Variants in ARCN1 observed in about 807,000 individuals in gnomAD.
ARCN1 encodes the protein archain 1 coat protein complex I subunit delta.
A neutral mutation model predicts 60.4 loss-of-function variants in ARCN1; 5 were observed. That is an observed-to-expected ratio of 0.08 (90% CI 0.04 to 0.17). The LOEUF (loss-of-function observed/expected upper bound fraction) is 0.17. Among genes scored for constraint, ARCN1 ranks in the 10% least tolerant of loss-of-function variants. The pLI is 1.00. For synonymous variants in ARCN1, 224 were observed against 220.0 expected (o/e 1.02, Z -0.16); for missense variants, 464 against 626.5 (o/e 0.74, Z 2.77).
chr11:118,581,138 A>ACTG, intron 1 of ARCN1, 108 bp from the exon 2 acceptor site: 1 of 1,382,946 alleles, frequency 7.2e-7, no homozygotes, highest in African/African-American at 1.4e-5. Context: ...TACTACTACT[A>ACTG]GTCATGTCAC....
rs949033603 is a variant in ARCN1 at position 118,582,281 on chromosome 11, T to A, written c.267+772T>A. 3.3e-5 allele frequency among the ~76,000 whole-genome samples: 5 copies of A among 152,232 alleles called. No homozygotes were observed. The South Asian group carries it at 1.0e-3, about 31-fold the overall frequency. On this transcript the variant is annotated intron_variant, in intron 2 of 9. Coordinates refer to ENST00000264028, the MANE Select transcript of ARCN1 (RefSeq NM_001655.5). ...CCTCAGCCTCCCGAGTAGTTGAGAT[T>A]ACAGATGTGCATCGCCATGCCTGGC...
At chr11:118,598,380 T>A (rs554236426) in intron 9 of ARCN1, among the ~76,000 whole-genome samples, 1 of 152,318 alleles carries the variant, frequency 6.6e-6, no homozygotes, top group South Asian at 2.1e-4. Context: ...TGAGGGTTAT[T>A]TATGTCACAG....
chr11:118,579,581 G>C (rs1461219854), intron 1 of ARCN1, among the ~76,000 whole-genome samples: 2 of 151,110 alleles, frequency 1.3e-5, no homozygotes, highest in African/African-American at 2.4e-5. Context: ...CCAGCTACTC[G>C]GGAGGCTGAG....
At chr11:118,578,164 A>AAAAAAAAT (rs1691240674) in intron 1 of ARCN1, among the ~76,000 whole-genome samples, 5 of 141,544 alleles carry the variant, frequency 3.5e-5, no homozygotes. Flanking sequence ...ACTCTCTCAA[A>AAAAAAAAT]AAATAAATAA....
chr11:118,592,518 A>G (rs114137041), intron 6 of ARCN1, among the ~76,000 whole-genome samples, 191 bp from the exon 7 acceptor site: 2,020 of 152,248 alleles, frequency 0.013, 45 homozygotes, highest in African/African-American at 0.043. Flanking sequence ...AAAAATTACT[A>G]GTTTTTAAGT....
chr11:118,576,034 C>T (rs187596841), intron 1 of ARCN1, among the ~76,000 whole-genome samples: 6 of 149,718 alleles, frequency 4.0e-5, no homozygotes, highest in Non-Finnish European at 8.9e-5. Context: ...ACTTTAAAGA[C>T]ACAGAGCACT....
At chr11:118,596,533 A>C (rs1591391878) in intron 8 of ARCN1, among the ~76,000 whole-genome samples, 1 of 152,258 alleles carries the variant, frequency 6.6e-6, no homozygotes, top group African/African-American at 2.4e-5. Context: ...GGAACATAAA[A>C]GAACCAGGAC....
At chr11:118,585,444 A>T (rs567957993) in intron 5 of ARCN1, among the ~76,000 whole-genome samples, 1 of 152,364 alleles carries the variant, frequency 6.6e-6, no homozygotes, top group Non-Finnish European at 1.5e-5. Flanking sequence ...GTATTTTGGC[A>T]TGACTTTTTC....
intron 8 of ARCN1, among the ~76,000 whole-genome samples, chr11:118,595,727 T>G (rs1939010739): frequency 6.6e-6 from 1 of 152,260 alleles, no homozygotes; most frequent in African/African-American, 2.4e-5. Flanking sequence ...AAGTGTATTC[T>G]TAGTGTATCT....
intron 1 of ARCN1, among the ~76,000 whole-genome samples, chr11:118,580,225 T>A (rs1938620838): frequency 6.6e-6 from 1 of 152,138 alleles, no homozygotes; most frequent in South Asian, 2.1e-4. Context: ...TTCAGGGGGC[T>A]GAGGCAGGAG....
rs782706299 is a variant in ARCN1 at position 118,597,722 on chromosome 11, G to A, written c.1257G>A (p.Ala419=). 3.6e-5 allele frequency: 58 copies of A among 1,613,978 alleles called. No homozygotes were observed. In the Admixed American group the frequency reaches 8.5e-4, roughly 24 times the overall value. The change falls in exon 9 of 10, where the codon GCG becomes GCA. Residue 419 remains alanine (A), a synonymous_variant. Transcript: ENST00000264028. Reference sequence around the variant, plus strand: ...CTCACAACAGGTCTGGTGTCGGCGCGCCTGTTATCGGTGAGATCGATGGGG... The same window carrying A: ...CTCACAACAGGTCTGGTGTCGGCGCACCTGTTATCGGTGAGATCGATGGGG... The part of the protein sequence containing the change: ...ITIPLPSGVG[A]PVIGEIDGEY...
chr11:118,600,185 A>G (rs2135559331), intron 9 of ARCN1, among the ~76,000 whole-genome samples: 1 of 152,380 alleles, frequency 6.6e-6, no homozygotes, highest in Non-Finnish European at 1.5e-5. Flanking sequence ...TGCCTAAAAA[A>G]TAAGTATGAT....
rs577265065 is a variant in ARCN1, at chr11:118,573,122, CA to C, written c.3+574del. Among the ~76,000 whole-genome samples, 25 of 152,296 alleles carry C rather than the reference CA, an allele frequency of 1.6e-4. 1 individual carries two copies. The South Asian group carries it at 5.0e-3, about 30-fold the overall frequency. ...ACTTCTAACACTAATGTATAGGACC[CA>C]AGTGTCTCTGAAACCTTCCACTACT... On this transcript the variant is annotated intron_variant, in intron 1 of 9. Transcript: ENST00000264028.
rs142621399 is a variant in ARCN1 at position 118,600,688 on chromosome 11, C to G, written c.1510C>G (p.Leu504Val). The change falls in exon 10 of 10, where the codon CTA (leucine) becomes GTA (valine). Residue 504 changes from leucine (L) to valine (V), a missense_variant. Leu to Val is a conservative substitution (Grantham distance 32). Coordinates refer to ENST00000264028, the MANE Select transcript of ARCN1 (RefSeq NM_001655.5). ...CAGGTTTTCCACAGAGACCACTTTC[C>G]TAGTGGATAAGTATGAAATTCTGTA... The part of the protein sequence containing the change: ...PVRFSTETTF[L>V]VDKYEIL 1.2e-6 allele frequency: 2 copies of G among 1,611,476 alleles called. No homozygotes were observed. The highest frequency in any genetic ancestry group is 1.3e-5 in the African/African-American group (1 of 74,804).
chr11:118,593,911 G>A (rs1938969830), intron 8 of ARCN1: 2 of 390,404 alleles, frequency 5.1e-6, no homozygotes, highest in Non-Finnish European at 9.5e-6. Flanking sequence ...ATAAAAATGA[G>A]GAGGTAGAGA....
chr11:118,594,065 A>G (rs1220707581), intron 8 of ARCN1: 1 of 157,832 alleles, frequency 6.3e-6, no homozygotes, highest in Non-Finnish European at 1.4e-5. Context: ...CAAGGCTGAC[A>G]TGTAAGTTAT....
At chr11:118,595,012 G>C (rs943650946) in intron 8 of ARCN1, among the ~76,000 whole-genome samples, 1 of 151,958 alleles carries the variant, frequency 6.6e-6, no homozygotes, top group Non-Finnish European at 1.5e-5. Context: ...ACCACGCCCA[G>C]TTAATTTTTG....
chr11:118,595,214 G>A (rs894997021), intron 8 of ARCN1, among the ~76,000 whole-genome samples: 2 of 152,198 alleles, frequency 1.3e-5, no homozygotes, highest in Non-Finnish European at 2.9e-5. Flanking sequence ...TCCAGAAGGA[G>A]GAGCCATTTG....
chr11:118,585,216 G>C (rs1476290634), intron 5 of ARCN1, among the ~76,000 whole-genome samples: 1 of 152,166 alleles, frequency 6.6e-6, no homozygotes, highest in Non-Finnish European at 1.5e-5. Flanking sequence ...TCCTGCCTCA[G>C]CCTCCCAAGT....
Sources: gnomAD v4.1 joint callset for allele counts (sites outside exome capture counted in the v4.1 genomes callset) on GRCh38, gnomAD v4.1.1 for gene constraint, MANE v1.5 for transcripts, NCBI Gene and HGNC (gene_info 2026-07-23, HGNC 2026-07-21) for gene names.